The following STPG2 variants were observed in gnomAD, a reference collection of about 807,000 sequenced individuals.
The protein encoded by STPG2 is sperm-tail PG-rich repeat-containing protein 2.
STPG2 carries 56 observed loss-of-function variants against 54.2 expected under a neutral mutation model. That is an observed-to-expected ratio of 1.03 (90% confidence interval 0.83 to 1.29). The LOEUF (loss-of-function observed/expected upper bound fraction) is 1.29, where lower values mean the gene tolerates loss of function less well. STPG2 is among the 50% of genes most tolerant of loss of function. The pLI, the probability that STPG2 is intolerant of heterozygous loss-of-function variation, is 0.00. For missense variants in STPG2, 596 were observed against 544.9 expected, an observed-to-expected ratio of 1.09 and a Z score of -0.93; for synonymous variants, 200 against 181.8, an observed-to-expected ratio of 1.10 and a Z score of -0.81.
chr4:97,706,175 G>A (rs1289430150), intron 10 of STPG2, among the ~76,000 whole-genome samples: 1 of 152,086 alleles, frequency 6.6e-6, no homozygotes, highest in East Asian at 1.9e-4. Context: ...AGCATAGGAA[G>A]GGTAGCCCTT....
At chr4:97,727,670 C>T (rs1370122665) in intron 9 of STPG2, among the ~76,000 whole-genome samples, 1 of 150,402 alleles carries the variant, frequency 6.6e-6, no homozygotes, top group East Asian at 1.9e-4. Context: ...CTAATTCACA[C>T]ATAAAGAAAA....
chr4:97,775,997 C>T (rs1020651354), intron 9 of STPG2, among the ~76,000 whole-genome samples: 1 of 152,060 alleles, frequency 6.6e-6, no homozygotes, highest in Non-Finnish European at 1.5e-5. Context: ...CCTGACCTCA[C>T]ATGACCTCCC....
At chr4:97,655,751 T>C (rs1560705535) in intron 10 of STPG2, among the ~76,000 whole-genome samples, 1 of 152,164 alleles carries the variant, frequency 6.6e-6, no homozygotes, top group Non-Finnish European at 1.5e-5. Context: ...TATTACAAGC[T>C]AGTTTTTCTT....
At chr4:97,524,953 G>C (rs966135085) in intron 4 of STPG2, among the ~76,000 whole-genome samples, 1 of 151,742 alleles carries the variant, frequency 6.6e-6, no homozygotes, top group Non-Finnish European at 1.5e-5. Context: ...TTTTAATATA[G>C]GACCTGAACA....
Position 98,143,293 on chromosome 4 carries a change from G to T in STPG2, c.-143C>A. On this transcript the variant is annotated 5_prime_UTR_variant, in exon 1 of 11. Coordinates refer to ENST00000295268, the MANE Select transcript of STPG2 (RefSeq NM_174952.3). ...ACTTCCGTAAACAGGGAAATTAGGG[G>T]TGGGGTTGTCTCCCCGCCCGCTCAT... The T allele has an allele frequency of 1.6e-6, 1 of 620,464 alleles. No homozygotes were observed. Among genetic ancestry groups the T allele is most frequent in the South Asian group, 2.0e-5 (1 of 50,006 alleles). The allele number at this position is 620,464 out of a possible 1,614,324, so 38.4% of individuals were successfully genotyped here. A position where few individuals can be genotyped will look rare whatever the true frequency, so the allele number is the denominator to read the frequency against.
intron 5 of STPG2, among the ~76,000 whole-genome samples, chr4:98,066,637 A>G (rs1489501435): frequency 6.6e-6 from 1 of 152,152 alleles, no homozygotes; most frequent in Non-Finnish European, 1.5e-5. Context: ...TCCCTTACCC[A>G]TATCTAACAA....
intron 6 of STPG2, among the ~76,000 whole-genome samples, chr4:97,980,826 T>C (rs1426059438): frequency 6.6e-6 from 1 of 152,090 alleles, no homozygotes; most frequent in African/African-American, 2.4e-5. Flanking sequence ...AAACTGAACA[T>C]CATAAATTAT....
At chr4:97,930,640 A>G (rs993922533) in intron 8 of STPG2, among the ~76,000 whole-genome samples, 2 of 152,214 alleles carry the variant, frequency 1.3e-5, no homozygotes, top group Non-Finnish European at 2.9e-5. Flanking sequence ...CTTTTTGCTT[A>G]GGATTGCCTT....
chr4:97,802,951 T>A (rs1727443002), intron 9 of STPG2, among the ~76,000 whole-genome samples: 1 of 152,188 alleles, frequency 6.6e-6, no homozygotes, highest in African/African-American at 2.4e-5. Flanking sequence ...TACAATGAAC[T>A]TAGTTATATA....
At chr4:97,836,492 C>A (rs1377459236) in intron 9 of STPG2, among the ~76,000 whole-genome samples, 1 of 151,616 alleles carries the variant, frequency 6.6e-6, no homozygotes, top group African/African-American at 2.4e-5. Flanking sequence ...ACTGGGAAAT[C>A]AAAAAAACTC....
intron 10 of STPG2, among the ~76,000 whole-genome samples, chr4:97,593,490 G>A (rs140322158): frequency 1.9e-3 from 295 of 152,174 alleles, no homozygotes; most frequent in African/African-American, 2.5e-3. Context: ...ATTTGTACAC[G>A]GATGCCAACA....
intron 9 of STPG2, among the ~76,000 whole-genome samples, chr4:97,739,602 T>C (rs987715089): frequency 2.0e-5 from 3 of 152,162 alleles, no homozygotes; most frequent in African/African-American, 7.2e-5. Context: ...GCAAATAAAC[T>C]AGAAAATCTT....
At chr4:97,639,225 C>A (rs1463465946) in intron 10 of STPG2, among the ~76,000 whole-genome samples, 6 of 151,902 alleles carry the variant, frequency 3.9e-5, no homozygotes, top group Admixed American at 2.0e-4. Context: ...AATCATCATT[C>A]TCAGTAAACT....
intron 5 of STPG2, among the ~76,000 whole-genome samples, chr4:98,056,040 G>A (rs1415962969): frequency 6.6e-6 from 1 of 152,090 alleles, no homozygotes; most frequent in Non-Finnish European, 1.5e-5. Context: ...TCACTTTGCT[G>A]GTATGTGTCT....
At chr4:98,111,057 AC>A (rs1186433913) in intron 3 of STPG2, among the ~76,000 whole-genome samples, 3 of 152,130 alleles carry the variant, frequency 2.0e-5, no homozygotes, top group Admixed American at 1.3e-4. Context: ...AAGATATAGC[AC>A]AGCAAAGACT....
chr4:97,924,843 C>A (rs62320965), intron 8 of STPG2, among the ~76,000 whole-genome samples: 1 of 152,132 alleles, frequency 6.6e-6, no homozygotes, highest in Non-Finnish European at 1.5e-5. Flanking sequence ...ATCTCTGTAT[C>A]ATTTTTAATA....
At chr4:97,888,085 A>G (rs1055365357) in intron 8 of STPG2, among the ~76,000 whole-genome samples, 1 of 152,242 alleles carries the variant, frequency 6.6e-6, no homozygotes, top group African/African-American at 2.4e-5. Context: ...GAATATATGG[A>G]AAAGCCCTGG....
At chr4:98,096,987 C>A (rs1396360303) in intron 5 of STPG2, among the ~76,000 whole-genome samples, 1 of 152,078 alleles carries the variant, frequency 6.6e-6, no homozygotes, top group Non-Finnish European at 1.5e-5. Flanking sequence ...TAAAAAGTAT[C>A]TCAGTAAAGA....
intron 4 of STPG2, among the ~76,000 whole-genome samples, chr4:97,547,828 T>G (rs1731872840): frequency 6.6e-6 from 1 of 152,048 alleles, no homozygotes; most frequent in African/African-American, 2.4e-5. Context: ...GGAAGGGAGC[T>G]CTATTGAACA....
Sources: allele counts gnomAD v4.1 joint callset (sites outside exome capture counted in the v4.1 genomes callset), GRCh38; gene constraint gnomAD v4.1.1; transcripts MANE v1.5; gene names NCBI Gene and HGNC (gene_info 2026-07-23, HGNC 2026-07-21).